Variants in KCNQ3 observed in about 807,000 individuals in gnomAD.
The protein encoded by KCNQ3 is potassium voltage-gated channel subfamily Q member 3.
A neutral mutation model predicts 92.5 loss-of-function variants in KCNQ3; 30 were observed. The ratio of observed to expected loss-of-function variants is 0.32; its 90% CI spans 0.24 to 0.44. The LOEUF (loss-of-function observed/expected upper bound fraction) is 0.44. Among genes scored for constraint, KCNQ3 ranks in the 20% least tolerant of loss-of-function variants. The probability of loss-of-function intolerance (pLI) is 1.00; values close to 1 mark genes in which losing one functional copy is unlikely to be tolerated. For synonymous variants in KCNQ3, 450 were observed against 468.8 expected (o/e 0.96, Z 0.52); for missense variants, 913 against 1,140.3 (o/e 0.80, Z 2.87).
chr8:132,422,771 G>A (rs913890454), intron 1 of KCNQ3, among the ~76,000 whole-genome samples: 21 of 152,128 alleles, frequency 1.4e-4, no homozygotes, highest in East Asian at 7.7e-4. Flanking sequence ...GTCTGCCTCC[G>A]CAACTAGAGA....
chr8:132,305,693 C>T (rs1261008312), intron 1 of KCNQ3, among the ~76,000 whole-genome samples: 1 of 152,030 alleles, frequency 6.6e-6, no homozygotes, highest in Non-Finnish European at 1.5e-5. Flanking sequence ...GTAGCTTCTG[C>T]TTGGGGGCCC....
chr8:132,458,053 G>A (rs983207769), intron 1 of KCNQ3, among the ~76,000 whole-genome samples: 2 of 152,082 alleles, frequency 1.3e-5, no homozygotes, highest in African/African-American at 4.8e-5. Context: ...TCCTCCTTAT[G>A]GCAAACCCTC....
chr8:132,348,680 GGGCTC>G (rs1818768094), intron 1 of KCNQ3, among the ~76,000 whole-genome samples: 1 of 152,210 alleles, frequency 6.6e-6, no homozygotes, highest in South Asian at 2.1e-4. Context: ...TCTTCACAGA[GGGCTC>G]TGTCATCTGA....
chr8:132,128,839 G>T lies in KCNQ3; in HGVS notation c.*423C>A. 1 of 185,018 alleles carries T rather than the reference G, an allele frequency of 5.4e-6. No homozygotes were observed. The highest frequency in any genetic ancestry group is 1.1e-5 in the Non-Finnish European group (1 of 86,984). 11.5% of individuals were successfully genotyped at this position (185,018 alleles called of 1,614,324 possible). On this transcript the variant is annotated 3_prime_UTR_variant, in exon 15 of 15. Coordinates refer to ENST00000388996, the MANE Select transcript of KCNQ3 (RefSeq NM_004519.4). ...CTTTCAAAAACAGTTAATTGCTGGA[G>T]CGTTTTACACAAGAGGGCAGTGATC... is the stretch of plus-strand genomic sequence containing the variant.
intron 1 of KCNQ3, among the ~76,000 whole-genome samples, chr8:132,436,735 C>A (rs888209304): frequency 2.0e-5 from 3 of 152,136 alleles, no homozygotes; most frequent in Admixed American, 6.5e-5. Flanking sequence ...AGTAAAATAG[C>A]CAAACTGAAA....
rs1357250814 is a variant in KCNQ3, at chr8:132,181,836, G to A, written c.605-1507C>T. 6.6e-5 allele frequency among the ~76,000 whole-genome samples: 10 copies of A among 152,008 alleles called. No homozygotes were observed. In the East Asian group the frequency reaches 1.9e-3, roughly 29 times the overall value. On this transcript the variant is annotated intron_variant, in intron 3 of 14. Coordinates refer to ENST00000388996, the MANE Select transcript of KCNQ3 (RefSeq NM_004519.4). Reference sequence around the variant, plus strand: ...TGGGAGGCCGAGGCGGGCAGATCACGAGGTCAGGAGATCGAGACCATCCTG... The same window carrying A: ...TGGGAGGCCGAGGCGGGCAGATCACAAGGTCAGGAGATCGAGACCATCCTG...
rs117845656 is a variant in KCNQ3 at position 132,188,964 on chromosome 8, C to T, written c.387-2783G>A. 2.4e-3 allele frequency among the ~76,000 whole-genome samples: 371 copies of T among 152,290 alleles called. 1 individual carries two copies. Among genetic ancestry groups the T allele is most frequent in the African/African-American group, 8.3e-3 (343 of 41,558 alleles). On this transcript the variant is annotated intron_variant, in intron 1 of 14. Transcript: ENST00000388996. ...CTAGGCCTCATGAACAACATGTACACGTGCAGGAGGTGCAAAAGTTCATGG... is the reference window on the plus strand; with the variant it reads ...CTAGGCCTCATGAACAACATGTACATGTGCAGGAGGTGCAAAAGTTCATGG...
intron 11 of KCNQ3, 100 bp downstream of exon 11, chr8:132,139,976 C>G: frequency 1.2e-6 from 1 of 816,756 alleles, no homozygotes; most frequent in Non-Finnish European, 2.0e-6. Flanking sequence ...TTCTCTTCCC[C>G]CTTCCCAAAG....
chr8:132,456,666 G>T (rs1273579489), intron 1 of KCNQ3, among the ~76,000 whole-genome samples: 1 of 151,438 alleles, frequency 6.6e-6, no homozygotes. Context: ...GCAGTGCAGT[G>T]GTGCGATCTT....
intron 1 of KCNQ3, 101 bp from the exon 2 acceptor site, chr8:132,186,282 T>A: frequency 1.3e-6 from 1 of 791,568 alleles, no homozygotes; most frequent in East Asian, 2.6e-5. Flanking sequence ...CTGCAACTTC[T>A]GCTGGACATT....
At chr8:132,381,113 C>T (rs1563887349) in intron 1 of KCNQ3, among the ~76,000 whole-genome samples, 1 of 152,172 alleles carries the variant, frequency 6.6e-6, no homozygotes, top group Non-Finnish European at 1.5e-5. Flanking sequence ...ACATTGCACA[C>T]ATATGCTCGA....
At chr8:132,378,109 T>A (rs913373643) in intron 1 of KCNQ3, among the ~76,000 whole-genome samples, 2 of 152,096 alleles carry the variant, frequency 1.3e-5, no homozygotes, top group Non-Finnish European at 2.9e-5. Flanking sequence ...AGTCAGACAA[T>A]ATGGCCGGGC....
At chr8:132,187,813 G>GTGGTGGTGGTGGTGGTGA (rs1563795659) in intron 1 of KCNQ3, among the ~76,000 whole-genome samples, 1 of 145,190 alleles carries the variant, frequency 6.9e-6, no homozygotes, top group Non-Finnish European at 1.5e-5. Flanking sequence ...AGTGATGGTG[G>GTGGTGGTGGTGGTGGTGA]TGGTGGTGGT....
intron 1 of KCNQ3, among the ~76,000 whole-genome samples, chr8:132,417,252 A>G (rs892204652): frequency 7.9e-5 from 12 of 152,212 alleles, no homozygotes; most frequent in Non-Finnish European, 1.6e-4. Flanking sequence ...AACTGTTACC[A>G]TCTCTCCAAC....
chr8:132,188,740 C>G (rs575860438), intron 1 of KCNQ3, among the ~76,000 whole-genome samples: 7 of 152,276 alleles, frequency 4.6e-5, no homozygotes, highest in African/African-American at 7.2e-5. Context: ...CTCCTTAGTT[C>G]AATGTGGAAA....
intron 1 of KCNQ3, among the ~76,000 whole-genome samples, chr8:132,236,125 C>T (rs1360222305): frequency 6.6e-6 from 1 of 152,208 alleles, no homozygotes; most frequent in African/African-American, 2.4e-5. Flanking sequence ...CTGGGTAAAA[C>T]TAGAAAGAGT....
chr8:132,197,040 GA>G lies in KCNQ3; in HGVS notation c.387-10860del, dbSNP rs369174919. On this transcript the variant is annotated intron_variant, in intron 1 of 14. Transcript: ENST00000388996. Reference sequence around the variant, plus strand: ...TTTTTTTTTTTTTTTGCCATTTTATGAGACCTGGGATTCCTTTATTTAGAAT... The same window carrying G: ...TTTTTTTTTTTTTTTGCCATTTTATGGACCTGGGATTCCTTTATTTAGAAT... Among the ~76,000 whole-genome samples the G allele has an allele frequency of 3.3e-3, 467 of 143,568 alleles. 7 individuals carry two copies. The highest frequency in any genetic ancestry group is 0.012 in the African/African-American group (448 of 38,268). The allele number at this position is 143,568 out of a possible 152,430, so 94.2% of individuals were successfully genotyped here.
intron 1 of KCNQ3, among the ~76,000 whole-genome samples, chr8:132,367,880 G>C (rs59526505): frequency 6.6e-6 from 1 of 152,050 alleles, no homozygotes; most frequent in African/African-American, 2.4e-5. Flanking sequence ...CTCCCAGAGA[G>C]TTAGAGAATA....
chr8:132,237,363 ATG>A (rs1814851239), intron 1 of KCNQ3, among the ~76,000 whole-genome samples: 1 of 152,176 alleles, frequency 6.6e-6, no homozygotes, highest in Admixed American at 6.5e-5. Flanking sequence ...TGCATATAAT[ATG>A]TCAGTTGATT....
Sources: gnomAD v4.1 joint callset for allele counts (sites outside exome capture counted in the v4.1 genomes callset) on GRCh38, gnomAD v4.1.1 for gene constraint, MANE v1.5 for transcripts, NCBI Gene and HGNC (gene_info 2026-07-23, HGNC 2026-07-21) for gene names.